NKAIN3: variants seen among roughly 807,000 people sequenced by gnomAD.
NKAIN3 encodes sodium/potassium transporting ATPase interacting 3, also known as sodium/potassium-transporting ATPase subunit beta-1-interacting protein 3.
In NKAIN3, 25 loss-of-function variants were observed where a neutral mutation model predicts 30.2. That is an observed-to-expected ratio of 0.83 (90% CI 0.60 to 1.16). The LOEUF (loss-of-function observed/expected upper bound fraction) is 1.16. Among genes scored for constraint, NKAIN3 ranks in the 50% most tolerant of loss-of-function variants. The pLI, the probability that NKAIN3 is intolerant of heterozygous loss-of-function variation, is 0.00. For missense variants in NKAIN3, 225 were observed against 254.1 expected (o/e 0.89, Z 0.78); for synonymous variants, 91 against 89.6 (o/e 1.02, Z -0.09).
At chr8:62,389,018 T>C (rs1817511611) in intron 1 of NKAIN3, among the ~76,000 whole-genome samples, 1 of 152,138 alleles carries the variant, frequency 6.6e-6, no homozygotes, top group African/African-American at 2.4e-5. Context: ...CAGCCCGTAT[T>C]GAGCTCACCT....
intron 1 of NKAIN3, among the ~76,000 whole-genome samples, chr8:62,547,004 AC>A (rs1236079700): frequency 8.5e-5 from 13 of 152,198 alleles, no homozygotes; most frequent in Non-Finnish European, 1.6e-4. Flanking sequence ...CTGAGCCTAC[AC>A]AGGAGACAAT....
chr8:62,300,043 A>C (rs1221966343), intron 1 of NKAIN3, among the ~76,000 whole-genome samples: 1 of 152,126 alleles, frequency 6.6e-6, no homozygotes, highest in Non-Finnish European at 1.5e-5. Flanking sequence ...GTAAAACTTG[A>C]ATGGCTAAAG....
chr8:62,743,371 T>C (rs1815968721), intron 3 of NKAIN3, among the ~76,000 whole-genome samples: 1 of 152,118 alleles, frequency 6.6e-6, no homozygotes, highest in Non-Finnish European at 1.5e-5. Flanking sequence ...ACAGTGTAGG[T>C]GTGGAAAGGG....
chr8:62,565,600 C>T (rs1809724806), intron 1 of NKAIN3, among the ~76,000 whole-genome samples: 1 of 152,088 alleles, frequency 6.6e-6, no homozygotes, highest in African/African-American at 2.4e-5. Context: ...ATATCTCCTA[C>T]TACATAATGT....
At chr8:62,696,544 G>A (rs16929430) in intron 3 of NKAIN3, among the ~76,000 whole-genome samples, 3,407 of 152,074 alleles carry the variant, frequency 0.022, 99 homozygotes, top group African/African-American at 0.072. Flanking sequence ...CATCTGTTAC[G>A]TAATTTATGC....
At chr8:62,574,936 C>A (rs1213142582) in intron 1 of NKAIN3, among the ~76,000 whole-genome samples, 1 of 151,558 alleles carries the variant, frequency 6.6e-6, no homozygotes, top group Non-Finnish European at 1.5e-5. Flanking sequence ...GGATAAAAAC[C>A]TTTAAAAAAA....
rs1427427267 is a variant in NKAIN3 at position 62,980,663 on chromosome 8, T to C, written c.*15256T>C. On this transcript the variant is annotated 3_prime_UTR_variant, in exon 7 of 7. Coordinates refer to ENST00000623646, the MANE Select transcript of NKAIN3 (RefSeq NM_001304533.3). Reference sequence around the variant, plus strand: ...ATTATATAGCTTTTTATTTTTGACATGTATCTAAACCAGAAAAAAATATTC... The same window carrying C: ...ATTATATAGCTTTTTATTTTTGACACGTATCTAAACCAGAAAAAAATATTC... 1 of 152,208 alleles carries C rather than the reference T, an allele frequency of 6.6e-6. No homozygotes were observed. Among genetic ancestry groups the C allele is most frequent in the Non-Finnish European group, 1.5e-5 (1 of 68,038 alleles). 9.4% of individuals were successfully genotyped at this position (152,208 alleles called of 1,614,324 possible). A position where few individuals can be genotyped will look rare whatever the true frequency, so the allele number is the denominator to read the frequency against.
chr8:62,820,161 A>C (rs1388865113), intron 4 of NKAIN3, among the ~76,000 whole-genome samples: 1 of 152,144 alleles, frequency 6.6e-6, no homozygotes, highest in East Asian at 1.9e-4. Flanking sequence ...TATAGGCAAG[A>C]GATAACCAAT....
intron 1 of NKAIN3, among the ~76,000 whole-genome samples, chr8:62,279,545 G>T (rs1023690388): frequency 6.6e-6 from 1 of 151,990 alleles, no homozygotes; most frequent in Non-Finnish European, 1.5e-5. Flanking sequence ...TGAATTAATT[G>T]TTGTATAAGA....
At chr8:62,572,631 G>A (rs1288900832) in intron 1 of NKAIN3, among the ~76,000 whole-genome samples, 5 of 152,172 alleles carry the variant, frequency 3.3e-5, no homozygotes, top group African/African-American at 1.2e-4. Flanking sequence ...CCACATGGCT[G>A]GGGAGGCCTC....
chr8:62,992,926 G>A (rs368399910), intron 5 of NKAIN3, among the ~76,000 whole-genome samples: 52 of 152,104 alleles, frequency 3.4e-4, no homozygotes, highest in East Asian at 2.3e-3. Context: ...ACTAACATCC[G>A]GTTAATGAGG....
intron 4 of NKAIN3, among the ~76,000 whole-genome samples, chr8:62,802,383 C>T (rs1466294427): frequency 5.3e-5 from 8 of 152,184 alleles, no homozygotes. Context: ...GGTTGGGTTA[C>T]CCACAAAGGG....
intron 1 of NKAIN3, among the ~76,000 whole-genome samples, chr8:62,505,875 T>C (rs933898926): frequency 6.6e-6 from 1 of 152,154 alleles, no homozygotes; most frequent in South Asian, 2.1e-4. Context: ...CTCAGTGGGC[T>C]AAAATCAAGA....
At chr8:62,406,825 C>G (rs1804085824) in intron 1 of NKAIN3, among the ~76,000 whole-genome samples, 1 of 152,082 alleles carries the variant, frequency 6.6e-6, no homozygotes, top group African/African-American at 2.4e-5. Flanking sequence ...GTGATCATGG[C>G]AAATTAAAAC....
rs1438355079 is a variant in NKAIN3, at chr8:62,347,064, A to C, written c.54+97937A>C. On this transcript the variant is annotated intron_variant, in intron 1 of 6. Coordinates refer to ENST00000623646, the MANE Select transcript of NKAIN3 (RefSeq NM_001304533.3). Reference sequence around the variant, plus strand: ...CACAAAGATCTTCCTGTGGACAGATAGTTACAAGTGATGCTTTCCCATACA... The same window carrying C: ...CACAAAGATCTTCCTGTGGACAGATCGTTACAAGTGATGCTTTCCCATACA... Among the ~76,000 whole-genome samples the C allele has an allele frequency of 3.0e-4, 46 of 152,150 alleles. 2 individuals carry two copies. The highest frequency in any genetic ancestry group is 2.9e-3 in the Admixed American group (44 of 15,240).
At chr8:62,691,583 A>T (rs571603911) in intron 3 of NKAIN3, among the ~76,000 whole-genome samples, 14 of 152,296 alleles carry the variant, frequency 9.2e-5, no homozygotes, top group Admixed American at 4.6e-4. Flanking sequence ...TGAGAAAAAA[A>T]TTTGGAATAT....
intron 3 of NKAIN3, among the ~76,000 whole-genome samples, chr8:62,674,145 C>T (rs574859653): frequency 6.6e-6 from 1 of 152,266 alleles, no homozygotes; most frequent in South Asian, 2.1e-4. Flanking sequence ...CACACAAATG[C>T]CTGCAATCTG....
intron 1 of NKAIN3, among the ~76,000 whole-genome samples, chr8:62,476,694 A>G (rs1806531267): frequency 1.3e-5 from 2 of 151,912 alleles, no homozygotes; most frequent in African/African-American, 4.8e-5. Context: ...TGACCTCGTG[A>G]TCCTCCCGCC....
rs1178858496 is a variant in NKAIN3 at position 62,345,528 on chromosome 8, TATAC to T, written c.54+96403_54+96406del. Among the ~76,000 whole-genome samples, 434 of 136,270 alleles carry T rather than the reference TATAC, an allele frequency of 3.2e-3. 7 individuals are homozygous for T. Among genetic ancestry groups the T allele is most frequent in the African/African-American group, 0.013 (405 of 30,616 alleles). 89.4% of individuals were successfully genotyped at this position (136,270 alleles called of 152,430 possible). A position where few individuals can be genotyped will look rare whatever the true frequency, so the allele number is the denominator to read the frequency against. On this transcript the variant is annotated intron_variant, in intron 1 of 6. Coordinates refer to ENST00000623646, the MANE Select transcript of NKAIN3 (RefSeq NM_001304533.3). ...ACACATATATACACATATATGTATA[TATAC>T]ACACATATATACACATATATGTATA...
Sources: gnomAD v4.1 joint callset for allele counts (sites outside exome capture counted in the v4.1 genomes callset) on GRCh38, gnomAD v4.1.1 for gene constraint, MANE v1.5 for transcripts, NCBI Gene and HGNC (gene_info 2026-07-23, HGNC 2026-07-21) for gene names.